Variants in ZNF592 observed in about 807,000 individuals in gnomAD.
ZNF592 encodes the protein spinocerebellar ataxia, autosomal recessive 5.
Under a neutral mutation model 80.3 loss-of-function variants are expected in ZNF592, and 11 were observed. That is an observed-to-expected ratio of 0.14 (90% CI 0.09 to 0.23). ZNF592 has a LOEUF of 0.23. Among genes scored for constraint, ZNF592 ranks in the 10% least tolerant of loss-of-function variants. The probability of loss-of-function intolerance (pLI) is 1.00; values close to 1 mark genes in which losing one functional copy is unlikely to be tolerated. For missense variants in ZNF592, 1,420 were observed against 1,633.9 expected, an observed-to-expected ratio of 0.87 and a Z score of 2.26; for synonymous variants, 646 against 640.3, an observed-to-expected ratio of 1.01 and a Z score of -0.13.
At chr15:84,795,867 G>A (rs940467497) in intron 5 of ZNF592, among the ~76,000 whole-genome samples, 3 of 152,034 alleles carry the variant, frequency 2.0e-5, no homozygotes, top group Non-Finnish European at 4.4e-5. Flanking sequence ...TTTCGAAGGT[G>A]ATTCTCTACC....
intron 5 of ZNF592, among the ~76,000 whole-genome samples, chr15:84,796,219 C>A (rs1962892633): frequency 3.8e-5 from 1 of 26,038 alleles, no homozygotes. Context: ...AAGACTCTGT[C>A]TCAAAAAAAA....
intron 2 of ZNF592, among the ~76,000 whole-genome samples, chr15:84,767,726 TTCTG>T (rs753392910): frequency 5.3e-5 from 8 of 152,042 alleles, no homozygotes; most frequent in Non-Finnish European, 1.2e-4. Flanking sequence ...CTCCCTCCAG[TTCTG>T]TCTTTTTCTA....
At chr15:84,778,688 G>A (rs529749970) in intron 3 of ZNF592, among the ~76,000 whole-genome samples, 4 of 152,238 alleles carry the variant, frequency 2.6e-5, no homozygotes, top group Admixed American at 2.6e-4. Flanking sequence ...ATTTCCCCCT[G>A]TGGAGATGCT....
At chr15:84,755,400 G>A (rs1899141453) in intron 1 of ZNF592, among the ~76,000 whole-genome samples, 1 of 151,982 alleles carries the variant, frequency 6.6e-6, no homozygotes, top group Non-Finnish European at 1.5e-5. Flanking sequence ...TTGAGTAGCT[G>A]GGACTATAGA....
Position 84,802,265 on chromosome 15 carries a change from T to C in ZNF592, c.3676T>C (p.Leu1226=). ...ACTGGAAGAATGTGCCGGTGAGCCT[T>C]TGTCAGCTGACCCAGAGGCGAGGAG... The part of the protein sequence containing the change: ...NGLEECAGEP[L]SADPEARRLL... The change falls in exon 11 of 11, where the codon TTG becomes CTG. Residue 1226 remains leucine, a synonymous_variant. Coordinates refer to ENST00000560079, the MANE Select transcript of ZNF592 (RefSeq NM_014630.3). 6.2e-7 allele frequency: 1 copy of C among 1,609,166 alleles called. No homozygotes were observed. The highest frequency in any genetic ancestry group is 8.5e-7 in the Non-Finnish European group (1 of 1,176,438).
intron 2 of ZNF592, among the ~76,000 whole-genome samples, chr15:84,766,715 G>GTGTGTGTGTA: frequency 1.8e-5 from 2 of 111,920 alleles, no homozygotes; most frequent in African/African-American, 6.3e-5. Flanking sequence ...GAGTGTGTGT[G>GTGTGTGTGTA]TGTGTGTGTG....
At chr15:84,776,265 C>T (rs953053992) in intron 2 of ZNF592, among the ~76,000 whole-genome samples, 4 of 152,238 alleles carry the variant, frequency 2.6e-5, no homozygotes, top group African/African-American at 9.6e-5. Flanking sequence ...GAGTGACTGC[C>T]CCCAGGCAAG....
intron 2 of ZNF592, among the ~76,000 whole-genome samples, chr15:84,768,055 A>T (rs1347017421): frequency 1.0e-4 from 10 of 97,726 alleles, no homozygotes; most frequent in Non-Finnish European, 2.6e-4. Flanking sequence ...TTTAATTTTA[A>T]TTTTAATTTT....
intron 4 of ZNF592, among the ~76,000 whole-genome samples, chr15:84,786,342 TA>T (rs1962585174): frequency 6.6e-6 from 1 of 152,120 alleles, no homozygotes; most frequent in Non-Finnish European, 1.5e-5. Flanking sequence ...ACTCCATGCG[TA>T]AGGAAGATGC....
intron 2 of ZNF592, among the ~76,000 whole-genome samples, chr15:84,767,102 C>T (rs1029753966): frequency 1.3e-5 from 2 of 152,176 alleles, no homozygotes; most frequent in Non-Finnish European, 2.9e-5. Context: ...TCAAGTGATT[C>T]TTCTGCCTCA....
chr15:84,782,934 A>G lies in ZNF592; in HGVS notation c.259A>G (p.Thr87Ala), dbSNP rs765424116. 1 of 1,613,902 alleles carries G rather than the reference A, an allele frequency of 6.2e-7. No homozygotes were observed. ...ESFEAEKDHI[T>A]PSLLHNGFRG... ...ATTTGAAGCGGAGAAAGACCACATT[A>G]CTCCCAGTCTCCTACACAATGGATT... Residue 87 changes from threonine to alanine, a missense_variant, in exon 4 of 11, where the codon ACT (threonine) becomes GCT (alanine). By Grantham distance (58) the Thr-to-Ala change is moderately conservative (BLOSUM62 0). This residue lies in a region of ZNF592 where 373 missense variants were observed against 355.5 expected (regional missense o/e 1.05). Coordinates refer to ENST00000560079, the MANE Select transcript of ZNF592 (RefSeq NM_014630.3).
At chr15:84,757,883 A>G (rs1899224633) in intron 1 of ZNF592, among the ~76,000 whole-genome samples, 1 of 151,796 alleles carries the variant, frequency 6.6e-6, no homozygotes, top group Non-Finnish European at 1.5e-5. Context: ...GCTGGTCTCA[A>G]ACTCCTGAGC....
chr15:84,763,870 A>G (rs149489519), intron 1 of ZNF592, among the ~76,000 whole-genome samples: 8 of 152,340 alleles, frequency 5.3e-5, no homozygotes, highest in Non-Finnish European at 5.9e-5. Flanking sequence ...GTGTTTCTCA[A>G]CGCTAGTCAA....
rs1963013593 is a variant in ZNF592 at position 84,798,974 on chromosome 15, G to T, written c.3024+99G>T. 6.3e-6 allele frequency: 10 copies of T among 1,592,312 alleles called. No individual in the cohort carries two copies. Among genetic ancestry groups the T allele is most frequent in the Admixed American group, 1.7e-5 (1 of 59,962 alleles). ...GGTTCCTGGTGCTTAGGGCAGGGTG[G>T]GTACCACAGATCTTGAGGTCTTCGG... is the stretch of plus-strand genomic sequence containing the variant. On this transcript the variant is annotated intron_variant, in intron 8 of 10. Transcript: ENST00000560079. This position sits in a 1 kb window ranked among gnomAD's most constrained non-coding sequence, Gnocchi z 4.5.
intron 2 of ZNF592, among the ~76,000 whole-genome samples, chr15:84,765,039 A>G (rs907348140): frequency 2.6e-5 from 4 of 152,100 alleles, no homozygotes; most frequent in Non-Finnish European, 4.4e-5. Flanking sequence ...ATATCATCTC[A>G]TACTAAAACT....
chr15:84,785,403 T>C lies in ZNF592; in HGVS notation c.2220+508T>C, dbSNP rs549310896. Among the ~76,000 whole-genome samples, 38 of 152,204 alleles carry C rather than the reference T, an allele frequency of 2.5e-4. No homozygotes were observed. The South Asian group carries it at 7.9e-3, about 32-fold the overall frequency. ...CTCAGTTCACTACAACCTCTGCCTC[T>C]GGGGTTCAAGTGATTCTTATGCCTC... is the stretch of plus-strand genomic sequence containing the variant. On this transcript the variant is annotated intron_variant, in intron 4 of 10. Coordinates refer to ENST00000560079, the MANE Select transcript of ZNF592 (RefSeq NM_014630.3).
At chr15:84,779,194 G>A (rs1189316430) in intron 3 of ZNF592, among the ~76,000 whole-genome samples, 1 of 152,142 alleles carries the variant, frequency 6.6e-6, no homozygotes, top group Admixed American at 6.5e-5. Flanking sequence ...CTTTTGATTT[G>A]TTGTTTGCCT....
rs543155166 is a variant in ZNF592, at chr15:84,798,201, A to G, written c.2577-114A>G. On this transcript the variant is annotated intron_variant, in intron 6 of 10. Coordinates refer to ENST00000560079, the MANE Select transcript of ZNF592 (RefSeq NM_014630.3). This position sits in a 1 kb window ranked among gnomAD's most constrained non-coding sequence, Gnocchi z 4.5. Reference sequence around the variant, plus strand: ...TGTCCTGAGGCAGGGGAGCATCCACATTGGCTCAGGGTAGTGCTTTCCCAA... The same window carrying G: ...TGTCCTGAGGCAGGGGAGCATCCACGTTGGCTCAGGGTAGTGCTTTCCCAA... The G allele has an allele frequency of 2.5e-6, 4 of 1,575,478 alleles. No homozygotes were observed. Among genetic ancestry groups the G allele is most frequent in the Non-Finnish European group, 3.5e-6 (4 of 1,153,306 alleles).
chr15:84,764,658 T>G (rs759862399), intron 1 of ZNF592, 49 bp from the exon 2 acceptor site: 2 of 398,488 alleles, frequency 5.0e-6, no homozygotes, highest in Non-Finnish European at 8.9e-6. Flanking sequence ...ACTCTAACAC[T>G]TACCTTCAGA....
Sources: allele counts gnomAD v4.1 joint callset (sites outside exome capture counted in the v4.1 genomes callset), GRCh38; gene constraint gnomAD v4.1.1; regional missense constraint gnomAD v4.1.1; non-coding constraint Gnocchi (gnomAD v3.1); transcripts MANE v1.5; gene names NCBI Gene and HGNC (gene_info 2026-07-23, HGNC 2026-07-21).